Variants in CTNNA3 observed in about 807,000 individuals in gnomAD.
The protein encoded by CTNNA3 is catenin alpha-3.
In CTNNA3, 76 loss-of-function variants were observed where a neutral mutation model predicts 95.7. The ratio of observed to expected loss-of-function variants is 0.79; its 90% CI spans 0.66 to 0.96. The LOEUF (loss-of-function observed/expected upper bound fraction) is 0.96. Among genes scored for constraint, CTNNA3 ranks in the 40% least tolerant of loss-of-function variants. The pLI is 0.00. For missense variants in CTNNA3, 1,191 were observed against 1,089.8 expected, an observed-to-expected ratio of 1.09 and a Z score of -1.31; for synonymous variants, 431 against 374.4, an observed-to-expected ratio of 1.15 and a Z score of -1.74.
At chr10:65,988,583 A>G (rs1435256535) in intron 16 of CTNNA3, 109 bp downstream of exon 16, 1 of 728,572 alleles carries the variant, frequency 1.4e-6, no homozygotes, top group East Asian at 2.6e-5. Flanking sequence ...ATTATAATTT[A>G]GAAAAAATGG....
At chr10:66,659,865 T>C (rs568596510) in intron 9 of CTNNA3, among the ~76,000 whole-genome samples, 1 of 152,306 alleles carries the variant, frequency 6.6e-6, no homozygotes, top group East Asian at 1.9e-4. Flanking sequence ...AGCTACCCAC[T>C]TTATGGTATT....
At chr10:67,099,720 C>T (rs1858227384) in intron 7 of CTNNA3, 1 of 152,148 alleles carries the variant, frequency 6.6e-6, no homozygotes, top group Admixed American at 6.6e-5. Flanking sequence ...GTACTTGTGT[C>T]AACTATTTAG....
chr10:66,861,128 A>G lies in CTNNA3; in HGVS notation c.1048-85604T>C, dbSNP rs60340797. On this transcript the variant is annotated intron_variant, in intron 7 of 17. Coordinates refer to ENST00000433211, the MANE Select transcript of CTNNA3 (RefSeq NM_013266.4). ...GTCCTAGACACTGTGTTAGGATACT[A>G]TGATGAATACTGAGGGTGCTATGAT... is the stretch of plus-strand genomic sequence containing the variant. Among the ~76,000 whole-genome samples, 912 of 152,330 alleles carry G rather than the reference A, an allele frequency of 6.0e-3. 6 individuals are homozygous for G. The highest frequency in any genetic ancestry group is 0.021 in the African/African-American group (874 of 41,568).
At chr10:66,332,714 T>G (rs1022317796) in intron 12 of CTNNA3, among the ~76,000 whole-genome samples, 1 of 152,082 alleles carries the variant, frequency 6.6e-6, no homozygotes. Flanking sequence ...TCTGCCAGGC[T>G]TTGGTATCAG....
intron 10 of CTNNA3, among the ~76,000 whole-genome samples, chr10:66,569,147 A>G (rs1842794156): frequency 6.6e-6 from 1 of 152,068 alleles, no homozygotes; most frequent in Admixed American, 6.6e-5. Context: ...ACCAGAAGCC[A>G]GAGAACAAAG....
intron 12 of CTNNA3, among the ~76,000 whole-genome samples, chr10:66,327,329 G>A (rs1325345193): frequency 6.6e-6 from 1 of 151,930 alleles, no homozygotes; most frequent in Non-Finnish European, 1.5e-5. Flanking sequence ...TTCACAGTAG[G>A]GAAACAACCA....
intron 9 of CTNNA3, among the ~76,000 whole-genome samples, chr10:66,643,008 C>T (rs888250730): frequency 2.6e-5 from 4 of 152,072 alleles, no homozygotes; most frequent in African/African-American, 9.7e-5. Context: ...TAGATAGATA[C>T]ATAGATACAC....
chr10:67,248,578 G>A (rs1317042569), intron 5 of CTNNA3, among the ~76,000 whole-genome samples: 4 of 151,834 alleles, frequency 2.6e-5, no homozygotes, highest in Non-Finnish European at 1.5e-5. Flanking sequence ...ACCACACTTG[G>A]CTGGTTTTTG....
At chr10:67,643,128 A>G (rs932520544) in intron 2 of CTNNA3, among the ~76,000 whole-genome samples, 15 of 152,248 alleles carry the variant, frequency 9.9e-5, no homozygotes, top group African/African-American at 3.4e-4. Flanking sequence ...ATACCATGGA[A>G]TACTATGCAG....
At chr10:67,097,906 C>G in intron 7 of CTNNA3, 1 of 922,340 alleles carries the variant, frequency 1.1e-6, no homozygotes, top group Non-Finnish European at 1.7e-6. Flanking sequence ...CACAAAATCC[C>G]CTGTTCAAAT....
At chr10:67,556,527 C>T (rs1216711905) in intron 3 of CTNNA3, among the ~76,000 whole-genome samples, 3 of 152,066 alleles carry the variant, frequency 2.0e-5, no homozygotes, top group Non-Finnish European at 4.4e-5. Flanking sequence ...TTTAGATTTT[C>T]TAGTTTATTT....
intron 15 of CTNNA3, among the ~76,000 whole-genome samples, chr10:66,035,407 C>G (rs561927052): frequency 6.6e-6 from 1 of 152,026 alleles, no homozygotes; most frequent in African/African-American, 2.4e-5. Context: ...CAAAAGTTAA[C>G]AGTATTATGG....
chr10:66,070,031 A>G (rs916526725), intron 14 of CTNNA3, among the ~76,000 whole-genome samples: 2 of 152,176 alleles, frequency 1.3e-5, no homozygotes, highest in African/African-American at 4.8e-5. Context: ...CACATATTGA[A>G]TGTTCCATAA....
chr10:67,454,978 T>A (rs925454095), intron 5 of CTNNA3, among the ~76,000 whole-genome samples: 3 of 152,164 alleles, frequency 2.0e-5, no homozygotes, highest in Non-Finnish European at 2.9e-5. Flanking sequence ...TAAATTTAGG[T>A]GATGTTTCCA....
At chr10:67,023,012 G>A (rs1413073677) in intron 7 of CTNNA3, among the ~76,000 whole-genome samples, 1 of 152,032 alleles carries the variant, frequency 6.6e-6, no homozygotes, top group Non-Finnish European at 1.5e-5. Context: ...GAAATAAATG[G>A]AGAGGTATAA....
At chr10:66,711,377 C>A (rs573086491) in intron 9 of CTNNA3, among the ~76,000 whole-genome samples, 26 of 151,394 alleles carry the variant, frequency 1.7e-4, no homozygotes, top group Non-Finnish European at 1.2e-4. Context: ...AGCTATATAT[C>A]ATGAAATATA....
intron 7 of CTNNA3, chr10:67,097,972 T>C: frequency 1.6e-6 from 1 of 615,174 alleles, no homozygotes; most frequent in Non-Finnish European, 2.8e-6. Context: ...TTGTTTTAAG[T>C]CTACACTTTG....
chr10:66,782,024 C>T (rs780874353), intron 7 of CTNNA3, among the ~76,000 whole-genome samples: 9 of 152,068 alleles, frequency 5.9e-5, no homozygotes, highest in Non-Finnish European at 8.8e-5. Flanking sequence ...GTTATGTAAG[C>T]TTTATAAAAG....
intron 7 of CTNNA3, among the ~76,000 whole-genome samples, chr10:67,075,504 A>G (rs1589702116): frequency 6.6e-6 from 1 of 152,174 alleles, no homozygotes; most frequent in East Asian, 1.9e-4. Context: ...GTGAAGTTGG[A>G]AATACTTAAG....
Sources: gnomAD v4.1 joint callset for allele counts (sites outside exome capture counted in the v4.1 genomes callset) on GRCh38, gnomAD v4.1.1 for gene constraint, MANE v1.5 for transcripts, NCBI Gene and HGNC (gene_info 2026-07-23, HGNC 2026-07-21) for gene names.